The following STT3A variants were observed in gnomAD, a reference collection of about 807,000 sequenced individuals.
The protein encoded by STT3A is dolichyl-diphosphooligosaccharide--protein glycosyltransferase subunit STT3A.
A neutral mutation model predicts 89.2 loss-of-function variants in STT3A; 34 were observed. That is an observed-to-expected ratio of 0.38 (90% CI 0.29 to 0.51). The LOEUF is 0.51. Ranked by LOEUF, STT3A falls within the 20% of genes least tolerant of loss-of-function variation. The pLI is 0.89. For missense variants in STT3A, 555 were observed against 889.5 expected (o/e 0.62, Z 4.78); for synonymous variants, 282 against 310.3 (o/e 0.91, Z 0.96).
chr11:125,596,982 GT>G, intron 2 of STT3A, 76 bp from the exon 3 acceptor site: 1 of 1,482,390 alleles, frequency 6.7e-7, no homozygotes, highest in Non-Finnish European at 9.4e-7. Flanking sequence ...GGATAATACT[GT>G]CTTCATTATA....
chr11:125,613,864 T>C lies in STT3A; in HGVS notation c.1555-223T>C. 2.0e-6 allele frequency: 1 copy of C among 495,302 alleles called. No homozygotes were observed. Among genetic ancestry groups the C allele is most frequent in the South Asian group, 2.2e-5 (1 of 45,638 alleles). 30.7% of individuals were successfully genotyped at this position (495,302 alleles called of 1,614,324 possible). A position where few individuals can be genotyped will look rare whatever the true frequency, so the allele number is the denominator to read the frequency against. Reference sequence around the variant, plus strand: ...GTATAAAGTGACCTGGGATGAAGTGTTGGGAATGTTGGTTTGTTATTTGTG... The same window carrying C: ...GTATAAAGTGACCTGGGATGAAGTGCTGGGAATGTTGGTTTGTTATTTGTG... On this transcript the variant is annotated intron_variant, in intron 13 of 17. Transcript: ENST00000392708. This position sits in a 1 kb window ranked among gnomAD's most constrained non-coding sequence, Gnocchi z 4.2.
rs547352554 is a variant in STT3A, at chr11:125,621,065, G to A, written c.*255G>A. ...AAAGGGGGGAATTTTTTTAAAAAAT[G>A]TGCCTTATTTGTTTTGACTTATAAC... On this transcript the variant is annotated 3_prime_UTR_variant, in exon 18 of 18. Coordinates refer to ENST00000392708, the MANE Select transcript of STT3A (RefSeq NM_152713.5). 24 of 381,164 alleles carry A rather than the reference G, an allele frequency of 6.3e-5. No homozygotes were observed. Among genetic ancestry groups the A allele is most frequent in the Non-Finnish European group, 9.4e-5 (20 of 213,162 alleles). 23.6% of individuals were successfully genotyped at this position (381,164 alleles called of 1,614,324 possible).
At chr11:125,615,979 C>T (rs1242604076) in intron 15 of STT3A, among the ~76,000 whole-genome samples, 2 of 152,104 alleles carry the variant, frequency 1.3e-5, no homozygotes, top group Non-Finnish European at 2.9e-5. Context: ...GCAGAGGTTG[C>T]AGTGAGTTGA....
chr11:125,608,213 T>G lies in STT3A; in HGVS notation c.885T>G (p.Phe295Leu). The change falls in exon 9 of 18, where the codon TTT becomes TTG. Residue 295 changes from phenylalanine to leucine, a missense_variant. This residue lies in a region of STT3A where 149 missense variants were observed against 206.2 expected (regional missense o/e 0.72). Coordinates refer to ENST00000392708, the MANE Select transcript of STT3A (RefSeq NM_152713.5). ...YLRSKLNPQQ[F>L]EVLFRSVISL... The stretch of plus-strand genomic sequence containing the variant: ...GCAGCAAGTTGAATCCACAACAATT[T>G]GAAGTTCTTTTCCGGAGCGTCATCT... The G allele has an allele frequency of 6.2e-7, 1 of 1,614,240 alleles. No homozygotes were observed. The highest frequency in any genetic ancestry group is 1.1e-5 in the South Asian group (1 of 91,086).
upstream of STT3A, chr11:125,592,274 G>A (rs1216438081): frequency 2.6e-6 from 1 of 391,526 alleles, no homozygotes; most frequent in Middle Eastern, 3.7e-4. Context: ...CCAAGGCACA[G>A]TAAAAGCTCG....
chr11:125,617,310 T>A (rs1940205875), intron 15 of STT3A, among the ~76,000 whole-genome samples: 1 of 152,172 alleles, frequency 6.6e-6, no homozygotes, highest in Non-Finnish European at 1.5e-5. Flanking sequence ...TTTTTCTAAT[T>A]TGACAGATGA....
intron 3 of STT3A, 22 bp downstream of exon 3, chr11:125,597,141 G>A (rs370077215): frequency 4.6e-5 from 75 of 1,613,150 alleles, no homozygotes; most frequent in Non-Finnish European, 6.3e-5. Flanking sequence ...TGCTTGATCT[G>A]GTATTATTTC....
intron 7 of STT3A, 106 bp downstream of exon 7, chr11:125,605,841 T>G (rs1054976265): frequency 1.1e-5 from 10 of 934,928 alleles, no homozygotes; most frequent in African/African-American, 5.0e-5. Flanking sequence ...TTCCCCTAAA[T>G]TTTTTTCTTT....
chr11:125,606,027 G>T (rs1399047832), intron 7 of STT3A, among the ~76,000 whole-genome samples: 1 of 152,106 alleles, frequency 6.6e-6, no homozygotes, highest in Non-Finnish European at 1.5e-5. Flanking sequence ...CCACAAGGGA[G>T]CAGGGGATTG....
rs1471492054 is a variant in STT3A at position 125,613,096 on chromosome 11, T to C, written c.1473T>C (p.Ser491=). The C allele has an allele frequency of 1.2e-6, 2 of 1,613,860 alleles. No individual in the cohort carries two copies. Among genetic ancestry groups the C allele is most frequent in the Non-Finnish European group, 1.7e-6 (2 of 1,179,952 alleles). The change falls in exon 13 of 18, where the codon TCT becomes TCC. Residue 491 remains serine (S), a synonymous_variant. Coordinates refer to ENST00000392708, the MANE Select transcript of STT3A (RefSeq NM_152713.5). The surrounding 1 kb of genome is among the most constrained non-coding windows in gnomAD (Gnocchi z 4.2). ...ACTCTTCTCCGTCCATTGTACTATC[T>C]GCCCGTGGTGGGGATGGCAGTAGGA... ...EAYSSPSIVL[S]ARGGDGSRII... is the part of the protein sequence containing the mutation.
At chr11:125,605,880 C>T (rs555931337) in intron 7 of STT3A, 145 bp downstream of exon 7, 200 of 629,842 alleles carry the variant, frequency 3.2e-4, no homozygotes, top group African/African-American at 3.1e-3. Context: ...TTCATACTTA[C>T]GTATACATGT....
intron 15 of STT3A, among the ~76,000 whole-genome samples, chr11:125,615,269 A>T (rs1045045056): frequency 6.6e-6 from 1 of 152,214 alleles, no homozygotes; most frequent in Non-Finnish European, 1.5e-5. Flanking sequence ...TGTTTCAAAA[A>T]AAAAAGTTAA....
intron 5 of STT3A, 48 bp from the exon 6 acceptor site, chr11:125,604,109 T>C (rs1278257652): frequency 6.3e-7 from 1 of 1,591,656 alleles, no homozygotes; most frequent in East Asian, 2.2e-5. Context: ...CTGTTCTTTC[T>C]CAGCATTGTA....
rs80205591 is a variant in STT3A, at chr11:125,607,991, C to T, written c.781-118C>T. On this transcript the variant is annotated intron_variant, in intron 8 of 17. Coordinates refer to ENST00000392708, the MANE Select transcript of STT3A (RefSeq NM_152713.5). Reference sequence around the variant, plus strand: ...TTCCCTAGATTGGCCCTGATTCCTTCGGGGCCTCAGAACTCATTTGACCAT... The same window carrying T: ...TTCCCTAGATTGGCCCTGATTCCTTTGGGGCCTCAGAACTCATTTGACCAT... 4.4e-3 allele frequency: 4,835 copies of T among 1,095,510 alleles called. 178 individuals carry two copies. The East Asian group carries it at 0.089, about 20-fold the overall frequency. The allele number at this position is 1,095,510 out of a possible 1,614,324, so 67.9% of individuals were successfully genotyped here.
chr11:125,620,102 A>G lies in STT3A; in HGVS notation c.2055A>G (p.Glu685=). The G allele has an allele frequency of 6.2e-7, 1 of 1,614,124 alleles. No individual in the cohort carries two copies. The highest frequency in any genetic ancestry group is 8.5e-7 in the Non-Finnish European group (1 of 1,179,996). ...LDVLEEAYTT[E]HWLVRIYKVK... ...TCCTGGAGGAAGCATATACCACAGA[A>G]CATTGGCTGGTCAGGATATACAAGG... is the stretch of plus-strand genomic sequence containing the variant. The change falls in exon 17 of 18, where the codon GAA becomes GAG. Residue 685 remains glutamate (E), a synonymous_variant. Coordinates refer to ENST00000392708, the MANE Select transcript of STT3A (RefSeq NM_152713.5).
In STT3A at chr11:125,608,384, G is replaced by A. The variant is rs897504399; in HGVS notation, c.961+95G>A. 2.4e-5 allele frequency: 30 copies of A among 1,268,270 alleles called. No individual in the cohort carries two copies. The East Asian group carries it at 2.5e-4, about 11-fold the overall frequency. The allele number at this position is 1,268,270 out of a possible 1,614,324, so 78.6% of individuals were successfully genotyped here. A position where few individuals can be genotyped will look rare whatever the true frequency, so the allele number is the denominator to read the frequency against. ...GGCCGGAGTGCAGTGGTGCGATCTC[G>A]GCTCACTGCAACCTCCACCTCCCAG... On this transcript the variant is annotated intron_variant, in intron 9 of 17. Coordinates refer to ENST00000392708, the MANE Select transcript of STT3A (RefSeq NM_152713.5).
chr11:125,594,034 T>C (rs750861719), intron 1 of STT3A, among the ~76,000 whole-genome samples: 6 of 152,176 alleles, frequency 3.9e-5, no homozygotes, highest in Non-Finnish European at 7.3e-5. Context: ...ATACACAATT[T>C]GTTGTATATT....
In STT3A at chr11:125,612,702, G is replaced by C. The variant is rs1326158138; in HGVS notation, c.1320G>C (p.Lys440Asn). Residue 440 changes from lysine (K) to asparagine (N), a missense_variant, in exon 12 of 18, where the codon AAG becomes AAC. By Grantham distance (94) the Lys-to-Asn change is moderately conservative (BLOSUM62 0). Transcript: ENST00000392708. The stretch of plus-strand genomic sequence containing the variant: ...ATCTGGACATAAGTCGTCCAGACAA[G>C]AAGAGCAAGAAGCAACAGGATTCCA... Reference protein sequence around the residue: ...MKNLDISRPDKKSKKQQDSTY... With the variant: ...MKNLDISRPDNKSKKQQDSTY... 8 of 1,614,024 alleles carry C rather than the reference G, an allele frequency of 5.0e-6. No homozygotes were observed. The South Asian group carries it at 6.6e-5, about 13-fold the overall frequency.
At chr11:125,617,033 C>G (rs1940199632) in intron 15 of STT3A, among the ~76,000 whole-genome samples, 1 of 152,138 alleles carries the variant, frequency 6.6e-6, no homozygotes, top group Non-Finnish European at 1.5e-5. Flanking sequence ...TTGCTTCAGA[C>G]ATACCTGCCA....
Sources: gnomAD v4.1 joint callset for allele counts (sites outside exome capture counted in the v4.1 genomes callset) on GRCh38, gnomAD v4.1.1 for gene constraint, gnomAD v4.1.1 regional missense constraint, Gnocchi (gnomAD v3.1) non-coding constraint, MANE v1.5 for transcripts, NCBI Gene and HGNC (gene_info 2026-07-23, HGNC 2026-07-21) for gene names.